The following CTDSPL2 variants were observed in gnomAD, a reference collection of about 807,000 sequenced individuals.
The protein encoded by CTDSPL2 is CTD small phosphatase like 2.
CTDSPL2 carries 5 observed loss-of-function variants against 60.0 expected under a neutral mutation model. The ratio of observed to expected loss-of-function variants is 0.08; its 90% CI spans 0.04 to 0.18. The LOEUF is 0.18. Among genes scored for constraint, CTDSPL2 ranks in the 10% least tolerant of loss-of-function variants. CTDSPL2 has a pLI of 1.00. For missense variants in CTDSPL2, 370 were observed against 548.8 expected, an observed-to-expected ratio of 0.67 and a Z score of 3.26; for synonymous variants, 186 against 189.3, an observed-to-expected ratio of 0.98 and a Z score of 0.14.
At chr15:44,510,278 G>A (rs139422866) in intron 8 of CTDSPL2, among the ~76,000 whole-genome samples, 106 of 152,222 alleles carry the variant, frequency 7.0e-4, no homozygotes, top group Non-Finnish European at 1.2e-3. Flanking sequence ...GATTACAGGC[G>A]TGAGCCACCA....
At chr15:44,519,068 A>G (rs549802531) in intron 10 of CTDSPL2, 101 bp from the exon 11 acceptor site, 16 of 726,976 alleles carry the variant, frequency 2.2e-5, no homozygotes, top group Non-Finnish European at 2.3e-5. Context: ...AGAGAAAATC[A>G]TATGGCTTAA....
chr15:44,483,538 C>CAA (rs901980878), intron 2 of CTDSPL2, among the ~76,000 whole-genome samples: 1 of 133,790 alleles, frequency 7.5e-6, no homozygotes, highest in African/African-American at 2.7e-5. Flanking sequence ...AACTCTGTCT[C>CAA]AAAAAAAAAA....
At chr15:44,489,889 A>G (rs1052905444) in intron 4 of CTDSPL2, among the ~76,000 whole-genome samples, 4 of 152,170 alleles carry the variant, frequency 2.6e-5, no homozygotes, top group Admixed American at 2.0e-4. Flanking sequence ...AAAACCAGCG[A>G]TTGGATAGTA....
chr15:44,461,014 A>T (rs2080555531), intron 2 of CTDSPL2, among the ~76,000 whole-genome samples: 1 of 152,144 alleles, frequency 6.6e-6, no homozygotes, highest in Non-Finnish European at 1.5e-5. Flanking sequence ...TTTCCACTTG[A>T]AAACAGATCT....
chr15:44,492,155 C>T (rs1595754543), intron 5 of CTDSPL2, among the ~76,000 whole-genome samples: 1 of 152,172 alleles, frequency 6.6e-6, no homozygotes, highest in East Asian at 1.9e-4. Flanking sequence ...AACTGTGAGC[C>T]ATTGCGCCCG....
At chr15:44,448,894 A>G (rs544805301) in intron 1 of CTDSPL2, 3 of 418,920 alleles carry the variant, frequency 7.2e-6, no homozygotes, top group Non-Finnish European at 1.3e-5. Flanking sequence ...GAATGTAGAT[A>G]TAGCTTGCAC....
At chr15:44,496,781 A>G (rs1406466120) in intron 6 of CTDSPL2, among the ~76,000 whole-genome samples, 1 of 152,192 alleles carries the variant, frequency 6.6e-6, no homozygotes, top group Non-Finnish European at 1.5e-5. Context: ...GGATCACTTG[A>G]GCCCAGGAGG....
At chr15:44,502,236 T>C (rs2081392652) in intron 8 of CTDSPL2, among the ~76,000 whole-genome samples, 1 of 152,012 alleles carries the variant, frequency 6.6e-6, no homozygotes, top group Admixed American at 6.6e-5. Context: ...TGAATGTTAG[T>C]TTTATAGCAT....
rs528557544 is a variant in CTDSPL2 at position 44,513,555 on chromosome 15, G to A, written c.970-1043G>A. ...AAAACATTCCTAGAACTAGATTTTT[G>A]TCATGGGGGCATTTTTGTGTGCATG... On this transcript the variant is annotated intron_variant, in intron 8 of 12. Transcript: ENST00000260327. Among the ~76,000 whole-genome samples, 10 of 152,208 alleles carry A rather than the reference G, an allele frequency of 6.6e-5. No individual in the cohort carries two copies. In the East Asian group the frequency reaches 1.5e-3, roughly 23 times the overall value.
rs2079774153 is a variant in CTDSPL2 at position 44,427,761 on chromosome 15, C to T, written c.-36C>T. On this transcript the variant is annotated 5_prime_UTR_variant, in exon 1 of 13. Coordinates refer to ENST00000260327, the MANE Select transcript of CTDSPL2 (RefSeq NM_016396.3). Reference sequence around the variant, plus strand: ...CCGGAGCCTGAGGACACTTCTCTGTCGTCACAGTTAGGTAATCCCCTTCGT... The same window carrying T: ...CCGGAGCCTGAGGACACTTCTCTGTTGTCACAGTTAGGTAATCCCCTTCGT... 1 of 399,098 alleles carries T rather than the reference C, an allele frequency of 2.5e-6. No individual in the cohort carries two copies. The highest frequency in any genetic ancestry group is 2.1e-5 in the African/African-American group (1 of 48,648). 24.7% of individuals were successfully genotyped at this position (399,098 alleles called of 1,614,324 possible). A position where few individuals can be genotyped will look rare whatever the true frequency, so the allele number is the denominator to read the frequency against.
chr15:44,521,937 C>CAAAAAAAAAAA (rs904398715), intron 12 of CTDSPL2, among the ~76,000 whole-genome samples: 4 of 60,776 alleles, frequency 6.6e-5, no homozygotes, highest in African/African-American at 3.3e-4. Context: ...GACTCCGTCT[C>CAAAAAAAAAAA]AAAAAAAAAA....
chr15:44,451,106 G>T (rs1293827922), intron 1 of CTDSPL2, among the ~76,000 whole-genome samples: 1 of 151,942 alleles, frequency 6.6e-6, no homozygotes, highest in Non-Finnish European at 1.5e-5. Flanking sequence ...TCTGTTTCTT[G>T]TTTTTTGTTT....
intron 6 of CTDSPL2, 74 bp from the exon 7 acceptor site, chr15:44,496,953 A>C: frequency 1.3e-6 from 1 of 761,114 alleles, no homozygotes; most frequent in Non-Finnish European, 2.1e-6. Flanking sequence ...AGATTTTTAA[A>C]TGGGCTGAGC....
intron 2 of CTDSPL2, among the ~76,000 whole-genome samples, chr15:44,480,971 C>G (rs2081016669): frequency 6.6e-6 from 1 of 152,210 alleles, no homozygotes; most frequent in Non-Finnish European, 1.5e-5. Flanking sequence ...CTACCATGTT[C>G]AAAGTATACC....
intron 1 of CTDSPL2, among the ~76,000 whole-genome samples, chr15:44,430,068 G>A (rs1007365892): frequency 6.6e-6 from 1 of 152,082 alleles, no homozygotes; most frequent in East Asian, 1.9e-4. Flanking sequence ...TTAAGAATTG[G>A]GGAAGTCTTT....
At chr15:44,440,487 C>T (rs552750429) in intron 1 of CTDSPL2, among the ~76,000 whole-genome samples, 1 of 152,018 alleles carries the variant, frequency 6.6e-6, no homozygotes, top group East Asian at 1.9e-4. Context: ...TGAGCCACTG[C>T]GCCTGGTCCT....
chr15:44,448,419 T>A (rs2080264372), intron 1 of CTDSPL2: 1 of 247,610 alleles, frequency 4.0e-6, no homozygotes. Context: ...GGCCCAGGCC[T>A]GGACTCATGC....
intron 1 of CTDSPL2, among the ~76,000 whole-genome samples, chr15:44,445,909 T>A (rs2080202819): frequency 6.6e-6 from 1 of 151,572 alleles, no homozygotes; most frequent in African/African-American, 2.4e-5. Context: ...ACTGCTGGGA[T>A]TACAGGCGTG....
chr15:44,500,341 G>A (rs2081365432), intron 8 of CTDSPL2, among the ~76,000 whole-genome samples: 1 of 152,116 alleles, frequency 6.6e-6, no homozygotes, highest in South Asian at 2.1e-4. Flanking sequence ...TCTCTCATCT[G>A]TGCTGATGGA....
Sources: gnomAD v4.1 joint callset for allele counts (sites outside exome capture counted in the v4.1 genomes callset) on GRCh38, gnomAD v4.1.1 for gene constraint, MANE v1.5 for transcripts, NCBI Gene and HGNC (gene_info 2026-07-23, HGNC 2026-07-21) for gene names.